Variants in DMD observed in about 807,000 individuals in gnomAD.
DMD encodes the protein mutant dystrophin.
Under a neutral mutation model 330.1 loss-of-function variants are expected in DMD, and 63 were observed. That is an observed-to-expected ratio of 0.19 (90% confidence interval 0.16 to 0.24). The LOEUF (loss-of-function observed/expected upper bound fraction) is 0.24. DMD is among the 10% of genes least tolerant of loss of function. The pLI, the probability that DMD is intolerant of heterozygous loss-of-function variation, is 1.00. For missense variants in DMD, 3,344 were observed against 2,684.1 expected (o/e 1.25, Z -5.43); for synonymous variants, 1,223 against 959.8 (o/e 1.27, Z -5.07).
chrX:31,460,154 T>A (rs1013594130), intron 59 of DMD, among the ~76,000 whole-genome samples: 1 of 111,970 alleles, frequency 8.9e-6, no homozygotes, highest in Non-Finnish European at 1.9e-5. Context: ...AGATATTTAA[T>A]ACATTGTTTT....
chrX:32,497,734 G>A lies in DMD; in HGVS notation c.2380+4021C>T, dbSNP rs1263534205. 9.0e-5 allele frequency among the ~76,000 whole-genome samples: 10 copies of A among 111,311 alleles called. No individual in the cohort carries two copies. The South Asian group carries it at 3.7e-3, about 42-fold the overall frequency. On this transcript the variant is annotated intron_variant, in intron 19 of 78. Coordinates refer to ENST00000357033, the MANE Select transcript of DMD (RefSeq NM_004006.3). ...AAAGGATTACGTCTAATCCTAAATA[G>A]ATAAAAACAGACATATGTTTAGGTA...
At chrX:31,158,134 T>C (rs2038371919) in intron 74 of DMD, among the ~76,000 whole-genome samples, 1 of 111,408 alleles carries the variant, frequency 9.0e-6, no homozygotes, top group African/African-American at 3.3e-5. Flanking sequence ...TAATTACCGG[T>C]ACTTGTACAT....
chrX:32,691,266 A>G (rs775496790), intron 9 of DMD, among the ~76,000 whole-genome samples: 1 of 109,850 alleles, frequency 9.1e-6, no homozygotes, highest in South Asian at 3.9e-4. Flanking sequence ...CTTATATTAT[A>G]TTAACAACTG....
intron 55 of DMD, among the ~76,000 whole-genome samples, chrX:31,515,855 G>T (rs969519500): frequency 8.9e-6 from 1 of 112,533 alleles, no homozygotes; most frequent in African/African-American, 3.2e-5. Context: ...AGTAAAATCT[G>T]TTTAAGAAGA....
chrX:32,002,469 A>G (rs1431520044), intron 44 of DMD, among the ~76,000 whole-genome samples: 2 of 111,935 alleles, frequency 1.8e-5, no homozygotes, highest in South Asian at 3.7e-4. Flanking sequence ...AAGGTAGCAT[A>G]TCATCTTTAC....
At chrX:31,763,097 TC>T (rs760838755) in intron 51 of DMD, among the ~76,000 whole-genome samples, 148 of 112,913 alleles carry the variant, frequency 1.3e-3, no homozygotes, top group African/African-American at 4.7e-3. Context: ...TATTACACCT[TC>T]CTTTACAGGA....
At chrX:31,215,462 C>T (rs192929504) in intron 64 of DMD, among the ~76,000 whole-genome samples, 102 of 110,884 alleles carry the variant, frequency 9.2e-4, no homozygotes, top group African/African-American at 3.0e-3. Flanking sequence ...GTTCTAACTG[C>T]GACTACAACA....
intron 55 of DMD, among the ~76,000 whole-genome samples, chrX:31,548,852 T>C (rs1407725258): frequency 9.0e-6 from 1 of 111,417 alleles, no homozygotes; most frequent in Non-Finnish European, 1.9e-5. Flanking sequence ...ATTTGTTATG[T>C]AAACTCATTG....
At chrX:32,303,401 T>A (rs1188217202) in intron 42 of DMD, among the ~76,000 whole-genome samples, 3 of 110,869 alleles carry the variant, frequency 2.7e-5, no homozygotes, top group Non-Finnish European at 5.7e-5. Flanking sequence ...ACAAACAAGA[T>A]ACTAATTTTT....
At chrX:31,662,122 G>A (rs781156878) in intron 53 of DMD, among the ~76,000 whole-genome samples, 23 of 111,757 alleles carry the variant, frequency 2.1e-4, no homozygotes, top group Admixed American at 1.7e-3. Context: ...AGTGGCAAAT[G>A]GGAGAGTTAA....
At chrX:31,207,569 T>C (rs1450099350) in intron 65 of DMD, among the ~76,000 whole-genome samples, 1 of 112,092 alleles carries the variant, frequency 8.9e-6, no homozygotes, top group African/African-American at 3.2e-5. Flanking sequence ...TGAGATCATG[T>C]CTTTTGAACA....
intron 48 of DMD, among the ~76,000 whole-genome samples, chrX:31,862,813 CA>C (rs1365763402): frequency 1.8e-5 from 2 of 112,523 alleles, no homozygotes; most frequent in Non-Finnish European, 3.8e-5. Flanking sequence ...ATTCCTAAGG[CA>C]CAAGGCTACT....
At chrX:32,722,625 G>A (rs763163703) in intron 7 of DMD, among the ~76,000 whole-genome samples, 3 of 110,376 alleles carry the variant, frequency 2.7e-5, no homozygotes, top group East Asian at 5.7e-4. Context: ...CTTTTAATTT[G>A]TTCCTCAATG....
In DMD at chrX:32,024,098, GA is replaced by G. The variant is rs1450274082; in HGVS notation, c.6439-55585del. Reference sequence around the variant, plus strand: ...AAAATAAAAGTTGAAATTATAAAAAGAAAAAAAGAAAACCTCATACTAACAT... The same window carrying G: ...AAAATAAAAGTTGAAATTATAAAAAGAAAAAAGAAAACCTCATACTAACAT... On this transcript the variant is annotated intron_variant, in intron 44 of 78. Transcript: ENST00000357033. 2.7e-5 allele frequency among the ~76,000 whole-genome samples: 3 copies of G among 111,129 alleles called. No individual in the cohort carries two copies. In the East Asian group the frequency reaches 8.4e-4, roughly 31 times the overall value.
intron 43 of DMD, among the ~76,000 whole-genome samples, chrX:32,240,161 A>G (rs1053181115): frequency 8.9e-6 from 1 of 111,842 alleles, no homozygotes; most frequent in African/African-American, 3.2e-5. Context: ...GGTGGGCTTC[A>G]ATATATGGTC....
intron 54 of DMD, among the ~76,000 whole-genome samples, chrX:31,654,475 CTTT>C (rs75843009): frequency 9.0e-6 from 1 of 111,457 alleles, no homozygotes; most frequent in Non-Finnish European, 1.9e-5. Flanking sequence ...TTAATCTTTC[CTTT>C]TTAAGATGAG....
At chrX:33,269,809 A>G (rs1349443033) in intron 1 of DMD, among the ~76,000 whole-genome samples, 2 of 111,080 alleles carry the variant, frequency 1.8e-5, no homozygotes, top group African/African-American at 6.5e-5. Context: ...GCCATACTTT[A>G]CTGCATTTTA....
intron 7 of DMD, among the ~76,000 whole-genome samples, chrX:32,759,061 T>A (rs2071890133): frequency 8.9e-6 from 1 of 112,396 alleles, no homozygotes; most frequent in Non-Finnish European, 1.9e-5. Flanking sequence ...AAGTTTCAGC[T>A]CAACTTCTAC....
intron 44 of DMD, among the ~76,000 whole-genome samples, chrX:31,991,197 T>C (rs1205044881): frequency 9.0e-6 from 1 of 111,339 alleles, no homozygotes; most frequent in African/African-American, 3.3e-5. Context: ...ATCTTGTAAA[T>C]AGAGGGGATC....
Sources: allele counts gnomAD v4.1 joint callset (sites outside exome capture counted in the v4.1 genomes callset), GRCh38; gene constraint gnomAD v4.1.1; transcripts MANE v1.5; gene names NCBI Gene and HGNC (gene_info 2026-07-23, HGNC 2026-07-21).